Variants in ANKFN1 observed in about 807,000 individuals in gnomAD.
ANKFN1 encodes the protein ankyrin repeat and fibronectin type III domain containing 1, also known as ankyrin repeat and fibronectin type-III domain-containing protein 1.
ANKFN1 carries 74 observed loss-of-function variants against 108.7 expected under a neutral mutation model. The ratio of observed to expected loss-of-function variants is 0.68; its 90% CI spans 0.56 to 0.83. The LOEUF (loss-of-function observed/expected upper bound fraction) is 0.83, where lower values mean the gene tolerates loss of function less well. Among genes scored for constraint, ANKFN1 ranks in the 40% least tolerant of loss-of-function variants. The probability of loss-of-function intolerance (pLI) is 0.00; values close to 1 mark genes in which losing one functional copy is unlikely to be tolerated. For synonymous variants in ANKFN1, 547 were observed against 516.2 expected (o/e 1.06, Z -0.81); for missense variants, 1,505 against 1,382.3 (o/e 1.09, Z -1.41).
intron 3 of ANKFN1, among the ~76,000 whole-genome samples, chr17:56,278,503 G>A (rs2043991380): frequency 6.6e-6 from 1 of 152,080 alleles, no homozygotes; most frequent in African/African-American, 2.4e-5. Context: ...AATGTTGCTG[G>A]TCTCCTTTCT....
intron 14 of ANKFN1, 97 bp downstream of exon 14, chr17:56,458,076 C>T (rs1446859313): frequency 2.0e-6 from 2 of 1,007,370 alleles, no homozygotes; most frequent in Admixed American, 2.2e-5. Context: ...AGGATGGGCT[C>T]CCTTCTCTTT....
intron 3 of ANKFN1, among the ~76,000 whole-genome samples, chr17:56,313,164 A>G (rs969684412): frequency 6.7e-6 from 1 of 149,890 alleles, no homozygotes; most frequent in Non-Finnish European, 1.5e-5. Flanking sequence ...AAAAAAAAAA[A>G]GAAAAAAAAA....
chr17:56,275,042 C>T (rs1473109105), intron 3 of ANKFN1, among the ~76,000 whole-genome samples: 1 of 152,160 alleles, frequency 6.6e-6, no homozygotes, highest in African/African-American at 2.4e-5. Flanking sequence ...CCATGCTTGC[C>T]TCCTCGTTTT....
At chr17:56,286,604 G>A (rs772584911) in intron 3 of ANKFN1, among the ~76,000 whole-genome samples, 12 of 152,018 alleles carry the variant, frequency 7.9e-5, no homozygotes, top group Non-Finnish European at 1.3e-4. Context: ...ACAACATGGC[G>A]GCAGGACTCC....
In ANKFN1 at chr17:56,449,203, G is replaced by C; in HGVS notation, c.1207+17G>C. ...GTTGCCGGGGTAAGGATAAAAATCT[G>C]TGCTGGGCCATCAACTGAGGTCTCG... On this transcript the variant is annotated intron_variant, in intron 11 of 20. Coordinates refer to ENST00000682825, the MANE Select transcript of ANKFN1 (RefSeq NM_001370326.1). 6.2e-7 allele frequency: 1 copy of C among 1,607,272 alleles called. No homozygotes were observed. Among genetic ancestry groups the C allele is most frequent in the South Asian group, 1.1e-5 (1 of 90,784 alleles).
At chr17:56,256,738 C>A (rs1363976576) in intron 3 of ANKFN1, among the ~76,000 whole-genome samples, 1 of 152,166 alleles carries the variant, frequency 6.6e-6, no homozygotes, top group African/African-American at 2.4e-5. Context: ...TAATATCCTC[C>A]ATTTTACAGA....
Position 56,094,474 on chromosome 17 carries a change from C to CT in ANKFN1, c.288+48173dup, listed in dbSNP as rs60149030. Among the ~76,000 whole-genome samples, 118 of 75,966 alleles carry CT rather than the reference C, an allele frequency of 1.6e-3. 1 individual carries two copies. Among genetic ancestry groups the CT allele is most frequent in the Non-Finnish European group, 2.2e-3 (95 of 42,894 alleles). 49.8% of individuals were successfully genotyped at this position (75,966 alleles called of 152,430 possible). On this transcript the variant is annotated intron_variant, in intron 4 of 12. Transcript: ENST00000635860. ...CTGTCTCAGTTCTCAGTTGTTTCTT[C>CT]TTTTTTTTTTTTTTTTTTTTTTTTG...
intron 6 of ANKFN1, among the ~76,000 whole-genome samples, chr17:56,357,990 G>C (rs1386357947): frequency 6.6e-6 from 1 of 152,154 alleles, no homozygotes; most frequent in African/African-American, 2.4e-5. Flanking sequence ...AGGTGGTGCA[G>C]TCAGGATTTG....
intron 4 of ANKFN1, among the ~76,000 whole-genome samples, chr17:56,142,842 G>C (rs1567802177): frequency 6.6e-6 from 1 of 151,998 alleles, no homozygotes; most frequent in Admixed American, 6.6e-5. Flanking sequence ...CCTCTCCAAT[G>C]CGAACTAACT....
intron 18 of ANKFN1, among the ~76,000 whole-genome samples, chr17:56,486,556 A>G (rs1016810588): frequency 6.6e-6 from 1 of 152,170 alleles, no homozygotes; most frequent in African/African-American, 2.4e-5. Flanking sequence ...CTAAGCATTT[A>G]ATGACACCTT....
chr17:56,056,538 A>G (rs1329852158), intron 4 of ANKFN1, among the ~76,000 whole-genome samples: 1 of 152,220 alleles, frequency 6.6e-6, no homozygotes, highest in Non-Finnish European at 1.5e-5. Flanking sequence ...CAATCAACTG[A>G]TCTTTGACAA....
chr17:56,211,749 T>A (rs1915031285), intron 1 of ANKFN1, among the ~76,000 whole-genome samples: 1 of 152,218 alleles, frequency 6.6e-6, no homozygotes. Flanking sequence ...ATGTGATGTG[T>A]TTCCATTTGT....
chr17:56,443,395 A>G (rs1450551821), intron 10 of ANKFN1, among the ~76,000 whole-genome samples: 3 of 152,152 alleles, frequency 2.0e-5, no homozygotes, highest in African/African-American at 7.2e-5. Flanking sequence ...CAAGTCTCTG[A>G]GACTCAATTC....
chr17:56,311,860 C>T (rs1205151380), intron 3 of ANKFN1, among the ~76,000 whole-genome samples: 1 of 152,166 alleles, frequency 6.6e-6, no homozygotes, highest in African/African-American at 2.4e-5. Flanking sequence ...AATCCAAAAT[C>T]TGAAACACTT....
intron 20 of ANKFN1, among the ~76,000 whole-genome samples, chr17:56,505,444 C>T (rs1041839403): frequency 6.6e-6 from 1 of 152,214 alleles, no homozygotes; most frequent in African/African-American, 2.4e-5. Context: ...ATAGTCCACT[C>T]ATATGTCCAT....
intron 6 of ANKFN1, among the ~76,000 whole-genome samples, chr17:56,363,158 A>G (rs2046569127): frequency 6.6e-6 from 1 of 152,170 alleles, no homozygotes; most frequent in African/African-American, 2.4e-5. Context: ...CGGGAGGCAC[A>G]GGTTGCAATG....
intron 3 of ANKFN1, among the ~76,000 whole-genome samples, chr17:56,322,543 T>A (rs927732841): frequency 2.0e-5 from 3 of 152,324 alleles, no homozygotes; most frequent in Admixed American, 2.0e-4. Flanking sequence ...TCCTGCTTAC[T>A]TTTTGAGACC....
At chr17:56,492,608 C>T (rs1853768964) in intron 19 of ANKFN1, among the ~76,000 whole-genome samples, 1 of 152,082 alleles carries the variant, frequency 6.6e-6, no homozygotes, top group African/African-American at 2.4e-5. Context: ...GGTAGCTTTC[C>T]ATACGGGAGA....
At chr17:56,357,243 G>T (rs2046399659) in intron 6 of ANKFN1, among the ~76,000 whole-genome samples, 1 of 152,146 alleles carries the variant, frequency 6.6e-6, no homozygotes, top group Admixed American at 6.6e-5. Flanking sequence ...ATGCAATATT[G>T]GTTGTGTACC....
Sources: allele counts gnomAD v4.1 joint callset (sites outside exome capture counted in the v4.1 genomes callset), GRCh38; gene constraint gnomAD v4.1.1; transcripts MANE v1.5; gene names NCBI Gene and HGNC (gene_info 2026-07-23, HGNC 2026-07-21).